ANKRD50: variants seen among roughly 807,000 people sequenced by gnomAD.
The protein encoded by ANKRD50 is ankyrin repeat domain 50.
ANKRD50 carries 40 observed loss-of-function variants against 112.0 expected under a neutral mutation model. The observed-to-expected ratio is 0.36, with a 90% CI of 0.28 to 0.46. The LOEUF (loss-of-function observed/expected upper bound fraction) is 0.46. Among genes scored for constraint, ANKRD50 ranks in the 20% least tolerant of loss-of-function variants. The pLI is 1.00. For missense variants in ANKRD50, 1,487 were observed against 1,701.7 expected (o/e 0.87, Z 2.22); for synonymous variants, 613 against 619.1 (o/e 0.99, Z 0.15).
Position 124,671,587 on chromosome 4 carries a change from G to T in ANKRD50, c.1690C>A (p.Leu564Ile). Reference sequence around the variant, plus strand: ...TCTAAATCTGCTCCCCTAGAGACAAGTAAATTGACTACATCAAGACTGCCA... The same window carrying T: ...TCTAAATCTGCTCCCCTAGAGACAATTAAATTGACTACATCAAGACTGCCA... Reference protein sequence around the residue: ...YSGSLDVVNLLVSRGADLEIE... With the variant: ...YSGSLDVVNLIVSRGADLEIE... The change falls in exon 4 of 5, where the codon CTT becomes ATT. Residue 564 changes from leucine (L) to isoleucine (I), a missense_variant. By Grantham distance (5) the Leu-to-Ile change is conservative. Transcript: ENST00000504087. 6.2e-7 allele frequency: 1 copy of T among 1,613,842 alleles called. No individual in the cohort carries two copies.
intron 2 of ANKRD50, among the ~76,000 whole-genome samples, chr4:124,681,589 G>A (rs1292593851): frequency 6.6e-6 from 1 of 152,196 alleles, no homozygotes; most frequent in Admixed American, 6.5e-5. Flanking sequence ...ATATGAGAAA[G>A]TAAATTATAA....
At position 124,672,088 on chromosome 4, in the gene ANKRD50, C is replaced by T. The variant is rs1386027531; in HGVS notation, c.1189G>A (p.Val397Ile). 1 of 1,613,886 alleles carries T rather than the reference C, an allele frequency of 6.2e-7. No individual in the cohort carries two copies. Among genetic ancestry groups the T allele is most frequent in the Admixed American group, 1.7e-5 (1 of 59,976 alleles). Residue 397 changes from valine (V) to isoleucine (I), a missense_variant, in exon 4 of 5, where the codon GTT (valine) becomes ATT (isoleucine). Transcript: ENST00000504087. Reference sequence around the variant, plus strand: ...ATTTTTGTATTTCCTAGTCCATCAACAAGAAGTTTGGAGAGGATATCTAAC... The same window carrying T: ...ATTTTTGTATTTCCTAGTCCATCAATAAGAAGTTTGGAGAGGATATCTAAC... ...RKLDILSKLL[V>I]DGLGNTKILF... is the part of the protein sequence containing the mutation.
In ANKRD50 at chr4:124,671,691, C is replaced by G; in HGVS notation, c.1586G>C (p.Arg529Pro). The G allele has an allele frequency of 6.2e-7, 1 of 1,613,806 alleles. No individual in the cohort carries two copies. The highest frequency in any genetic ancestry group is 1.1e-5 in the South Asian group (1 of 91,080). The change falls in exon 4 of 5, where the codon CGG becomes CCG. Residue 529 changes from arginine (R) to proline (P), a missense_variant. By Grantham distance (103) the Arg-to-Pro change is moderately radical. Coordinates refer to ENST00000504087, the MANE Select transcript of ANKRD50 (RefSeq NM_020337.3). ...TGAAGCTCCATTATCTAATAATGTC[C>G]GAATGGAATCCTCTCTTTCTAAGGC... ...RQALEREDSI[R>P]TLLDNGASVN... is the part of the protein sequence containing the mutation.
intron 2 of ANKRD50, among the ~76,000 whole-genome samples, chr4:124,684,362 C>T (rs1724957838): frequency 6.6e-6 from 1 of 152,026 alleles, no homozygotes; most frequent in African/African-American, 2.4e-5. Flanking sequence ...TTGACTTCTC[C>T]CCAGCCAATT....
At chr4:124,673,458 A>C (rs1270171430) in intron 3 of ANKRD50, among the ~76,000 whole-genome samples, 1 of 152,144 alleles carries the variant, frequency 6.6e-6, no homozygotes, top group East Asian at 1.9e-4. Context: ...ACGATTTTTA[A>C]AGAGGCTGTG....
intron 2 of ANKRD50, among the ~76,000 whole-genome samples, chr4:124,684,926 G>C (rs74625394): frequency 0.019 from 2,918 of 152,086 alleles, 95 homozygotes; most frequent in African/African-American, 0.065. Flanking sequence ...CTAACACTGA[G>C]CTTTTTTCTC....
At chr4:124,676,831 T>G (rs1323481145) in intron 3 of ANKRD50, among the ~76,000 whole-genome samples, 1 of 151,328 alleles carries the variant, frequency 6.6e-6, no homozygotes, top group Admixed American at 6.6e-5. Flanking sequence ...AGTAAGAAAA[T>G]AACTTTGACT....
At chr4:124,686,813 C>T (rs1725016552) in intron 2 of ANKRD50, among the ~76,000 whole-genome samples, 1 of 152,058 alleles carries the variant, frequency 6.6e-6, no homozygotes, top group Non-Finnish European at 1.5e-5. Context: ...GCCCTAAATA[C>T]AACATATTAT....
At chr4:124,675,390 C>A (rs1730751932) in intron 3 of ANKRD50, among the ~76,000 whole-genome samples, 1 of 151,426 alleles carries the variant, frequency 6.6e-6, no homozygotes, top group African/African-American at 2.4e-5. Context: ...GAAAATAAAA[C>A]CTAAAAATAT....
Position 124,669,919 on chromosome 4 carries a change from G to T in ANKRD50, c.3358C>A (p.Pro1120Thr). ...PSPVHTMEQK[P>T]LQSLSSKVQS... ...ACTTTTGAAGACAATGACTGTAGAGGTTTTTGCTCCATTGTGTGAACAGGA... is the reference window on the plus strand; with the variant it reads ...ACTTTTGAAGACAATGACTGTAGAGTTTTTTGCTCCATTGTGTGAACAGGA... Residue 1120 changes from proline (P) to threonine (T), a missense_variant, in exon 4 of 5, where the codon CCT (proline) becomes ACT (threonine). By Grantham distance (38) the Pro-to-Thr change is conservative. This residue lies in a region of ANKRD50 where 441 missense variants were observed against 432.2 expected (regional missense o/e 1.02). Coordinates refer to ENST00000504087, the MANE Select transcript of ANKRD50 (RefSeq NM_020337.3). 1.2e-6 allele frequency: 2 copies of T among 1,613,430 alleles called. No homozygotes were observed. The highest frequency in any genetic ancestry group is 1.7e-6 in the Non-Finnish European group (2 of 1,179,752).
chr4:124,698,620 A>C (rs1264684624), intron 2 of ANKRD50, among the ~76,000 whole-genome samples: 2 of 152,120 alleles, frequency 1.3e-5, no homozygotes, highest in Non-Finnish European at 2.9e-5. Context: ...CTGTGAGGTC[A>C]AAATTATTTT....
intron 2 of ANKRD50, among the ~76,000 whole-genome samples, chr4:124,684,654 G>A (rs1157528784): frequency 2.0e-5 from 3 of 152,170 alleles, no homozygotes; most frequent in Non-Finnish European, 4.4e-5. Context: ...TGGTCTGCCA[G>A]CTTTGCATCT....
intron 3 of ANKRD50, among the ~76,000 whole-genome samples, chr4:124,676,611 T>C (rs1730780792): frequency 6.6e-6 from 1 of 151,670 alleles, no homozygotes; most frequent in Non-Finnish European, 1.5e-5. Context: ...TTACAGATTA[T>C]TCAAGTTAGA....
Position 124,665,867 on chromosome 4 carries a change from C to G in ANKRD50, c.*1651G>C, listed in dbSNP as rs922110025. ...GCAAGAAAAGCCTTACAATAAGATT[C>G]AAGTGAAACATTTATCATAATTATA... On this transcript the variant is annotated 3_prime_UTR_variant, in exon 5 of 5. Coordinates refer to ENST00000504087, the MANE Select transcript of ANKRD50 (RefSeq NM_020337.3). 1 of 152,300 alleles carries G rather than the reference C, an allele frequency of 6.6e-6. No homozygotes were observed. Among genetic ancestry groups the G allele is most frequent in the Non-Finnish European group, 1.5e-5 (1 of 67,898 alleles). The allele number at this position is 152,300 out of a possible 1,614,324, so 9.4% of individuals were successfully genotyped here.
intron 4 of ANKRD50, 24 bp downstream of exon 4, chr4:124,668,960 C>T: frequency 6.3e-7 from 1 of 1,578,922 alleles, no homozygotes; most frequent in Non-Finnish European, 8.6e-7. Flanking sequence ...TTGTTTTTTA[C>T]TCTTTATGTT....
At chr4:124,689,967 C>T (rs1725098590) in intron 2 of ANKRD50, among the ~76,000 whole-genome samples, 2 of 152,104 alleles carry the variant, frequency 1.3e-5, no homozygotes. Flanking sequence ...CTTGTATCCA[C>T]AAAACATTTA....
In ANKRD50 at chr4:124,669,849, C is replaced by T; in HGVS notation, c.3428G>A (p.Gly1143Glu). 6.2e-7 allele frequency: 1 copy of T among 1,612,888 alleles called. No homozygotes were observed. Among genetic ancestry groups the T allele is most frequent in the Non-Finnish European group, 8.5e-7 (1 of 1,179,668 alleles). ...IKSNSSGSTG[G>E]GDMQPSLRGL... ...ACGTAACGAAGGCTGCATATCCCCT[C>T]CACCAGTACTACCAGAGCTATTTGA... is the stretch of plus-strand genomic sequence containing the variant. The change falls in exon 4 of 5, where the codon GGA becomes GAA. Residue 1143 changes from glycine to glutamate, a missense_variant. Gly to Glu is a moderately conservative substitution (Grantham distance 98). Coordinates refer to ENST00000504087, the MANE Select transcript of ANKRD50 (RefSeq NM_020337.3).
Position 124,670,265 on chromosome 4 carries a change from G to A in ANKRD50, c.3012C>T (p.Asp1004=), listed in dbSNP as rs141095097. Residue 1004 remains aspartate, a synonymous_variant, in exon 4 of 5, where the codon GAC becomes GAT. Transcript: ENST00000504087. ...MVQVLIAYHA[D]VNAADNEKRS... Reference sequence around the variant, plus strand: ...GCTTTTCATTGTCTGCAGCATTGACGTCAGCATGGTATGCTATCAGGACCT... The same window carrying A: ...GCTTTTCATTGTCTGCAGCATTGACATCAGCATGGTATGCTATCAGGACCT... 5.8e-4 allele frequency: 930 copies of A among 1,613,888 alleles called. 2 individuals carry two copies. In the African/African-American group the frequency reaches 0.011, roughly 19 times the overall value.
chr4:124,687,279 GTTTT>G (rs879507457), intron 2 of ANKRD50, among the ~76,000 whole-genome samples: 6 of 151,580 alleles, frequency 4.0e-5, no homozygotes, highest in Admixed American at 2.6e-4. Flanking sequence ...TTTTGTTTTT[GTTTT>G]TTTTCCAACA....
Sources: allele counts gnomAD v4.1 joint callset (sites outside exome capture counted in the v4.1 genomes callset), GRCh38; gene constraint gnomAD v4.1.1; regional missense constraint gnomAD v4.1.1; transcripts MANE v1.5; gene names NCBI Gene and HGNC (gene_info 2026-07-23, HGNC 2026-07-21).